SRP68: variants seen among roughly 807,000 people sequenced by gnomAD.
The protein encoded by SRP68 is signal recognition particle subunit SRP68.
In SRP68, 15 loss-of-function variants were observed where a neutral mutation model predicts 82.2. The observed-to-expected ratio is 0.18, with a 90% confidence interval of 0.12 to 0.28. The LOEUF (loss-of-function observed/expected upper bound fraction) is 0.28. Among genes scored for constraint, SRP68 ranks in the 10% least tolerant of loss-of-function variants. SRP68 has a pLI of 1.00. For synonymous variants in SRP68, 261 were observed against 292.6 expected (o/e 0.89, Z 1.10); for missense variants, 595 against 780.5 (o/e 0.76, Z 2.83).
intron 7 of SRP68, 83 bp from the exon 8 acceptor site, chr17:76,057,626 C>T (rs1183554464): frequency 1.9e-5 from 28 of 1,468,386 alleles, no homozygotes; most frequent in Non-Finnish European, 2.3e-5. Flanking sequence ...TATCATTTGT[C>T]TCTTTGTATA....
intron 8 of SRP68, among the ~76,000 whole-genome samples, chr17:76,055,273 G>A (rs1567931322): frequency 6.6e-6 from 1 of 152,046 alleles, no homozygotes; most frequent in East Asian, 1.9e-4. Flanking sequence ...GGCCTAGGCT[G>A]ATCTTTTAAA....
chr17:76,057,753 CA>C (rs2066722798), intron 7 of SRP68, among the ~76,000 whole-genome samples: 1 of 152,074 alleles, frequency 6.6e-6, no homozygotes. Flanking sequence ...AGGCTCACTG[CA>C]ACCTCTGCTT....
At chr17:76,061,998 C>T (rs367994116) in intron 4 of SRP68, among the ~76,000 whole-genome samples, 4 of 150,194 alleles carry the variant, frequency 2.7e-5, no homozygotes, top group African/African-American at 2.5e-5. Flanking sequence ...AAAAATTACC[C>T]GGGTGTGGCC....
chr17:76,039,990 A>G, intron 15 of SRP68, 57 bp from the exon 16 acceptor site: 1 of 1,557,406 alleles, frequency 6.4e-7, no homozygotes, highest in Non-Finnish European at 8.8e-7. Context: ...CCCTTGGTGA[A>G]CATTCCTGAG....
intron 15 of SRP68, among the ~76,000 whole-genome samples, chr17:76,040,197 C>A (rs534392615): frequency 2.0e-5 from 3 of 152,200 alleles, no homozygotes; most frequent in Non-Finnish European, 4.4e-5. Context: ...CTCTTACCCA[C>A]GGGTGCTACT....
chr17:76,045,696 A>G (rs2066625093), intron 11 of SRP68, among the ~76,000 whole-genome samples: 1 of 152,162 alleles, frequency 6.6e-6, no homozygotes, highest in Non-Finnish European at 1.5e-5. Context: ...GCATCTACTC[A>G]GATGCCTTGA....
intron 7 of SRP68, among the ~76,000 whole-genome samples, chr17:76,058,228 A>C (rs1054682820): frequency 4.0e-5 from 6 of 150,954 alleles, no homozygotes; most frequent in African/African-American, 1.5e-4. Flanking sequence ...AGCTCAGCTT[A>C]CTGCAACCTC....
At chr17:76,064,927 G>A (rs762373937) in intron 3 of SRP68, among the ~76,000 whole-genome samples, 1 of 151,496 alleles carries the variant, frequency 6.6e-6, no homozygotes, top group Non-Finnish European at 1.5e-5. Flanking sequence ...CAGTGCCACC[G>A]CTTACTAGCT....
intron 2 of SRP68, among the ~76,000 whole-genome samples, chr17:76,069,065 A>G (rs1437056844): frequency 2.0e-5 from 3 of 151,372 alleles, no homozygotes; most frequent in Admixed American, 6.6e-5. Flanking sequence ...AATACAGCAC[A>G]TAATTTACAA....
Position 76,045,367 on chromosome 17 carries a change from T to C in SRP68, c.1319A>G (p.Gln440Arg). The C allele has an allele frequency of 6.2e-7, 1 of 1,612,798 alleles. No individual in the cohort carries two copies. Among genetic ancestry groups the C allele is most frequent in the Non-Finnish European group, 8.5e-7 (1 of 1,178,960 alleles). ...TTTGTCTTCCTCTAAACCAGGAAGC[T>C]GGAGCAATTCCACCAGATTCTGTAC... ...IILQNLVELL[Q>R]LPGLEEDKAF... The change falls in exon 12 of 16, where the codon CAG becomes CGG. Residue 440 changes from glutamine to arginine, a missense_variant. By Grantham distance (43) the Gln-to-Arg change is conservative. Coordinates refer to ENST00000307877, the MANE Select transcript of SRP68 (RefSeq NM_014230.4).
intron 8 of SRP68, among the ~76,000 whole-genome samples, chr17:76,054,972 T>C (rs2066702185): frequency 6.6e-6 from 1 of 152,168 alleles, no homozygotes; most frequent in Non-Finnish European, 1.5e-5. Flanking sequence ...CTTTTTTTTT[T>C]TGAGACAAAG....
chr17:76,062,601 T>TTATATATTATATAATATATAA (rs2066765814), intron 4 of SRP68, among the ~76,000 whole-genome samples: 1 of 82,880 alleles, frequency 1.2e-5, no homozygotes, highest in Non-Finnish European at 2.1e-5. Context: ...ATAATATACA[T>TTATATATTATATAATATATAA]TATATATTAT....
chr17:76,058,333 C>G (rs1289842880), intron 7 of SRP68, among the ~76,000 whole-genome samples: 1 of 151,928 alleles, frequency 6.6e-6, no homozygotes. Flanking sequence ...GTTGGTCAGA[C>G]TGGTCTCGAA....
chr17:76,046,079 G>C lies in SRP68; in HGVS notation c.1258C>G (p.Arg420Gly), dbSNP rs200440391. 1.9e-6 allele frequency: 3 copies of C among 1,613,956 alleles called. No homozygotes were observed. The East Asian group carries it at 6.7e-5, about 36-fold the overall frequency. Residue 420 changes from arginine (R) to glycine (G), a missense_variant, in exon 11 of 16, where the codon CGG becomes GGG. By Grantham distance (125) the Arg-to-Gly change is moderately radical. Coordinates refer to ENST00000307877, the MANE Select transcript of SRP68 (RefSeq NM_014230.4). ...QPEDDSKRSP[R>G]PQDLIRLYDI... Reference sequence around the variant, plus strand: ...TAGAGTCGGATCAGGTCCTGGGGCCGGGGTGAGCGCTTGCTGTCATCCTCT... The same window carrying C: ...TAGAGTCGGATCAGGTCCTGGGGCCCGGGTGAGCGCTTGCTGTCATCCTCT...
chr17:76,052,760 C>G (rs537501123), intron 8 of SRP68, among the ~76,000 whole-genome samples: 2 of 149,038 alleles, frequency 1.3e-5, no homozygotes, highest in Non-Finnish European at 3.0e-5. Flanking sequence ...GCCGAGATCG[C>G]GCCACTGCAC....
intron 8 of SRP68, among the ~76,000 whole-genome samples, chr17:76,054,654 C>T (rs940822290): frequency 6.6e-5 from 10 of 151,686 alleles, no homozygotes; most frequent in Non-Finnish European, 1.5e-4. Context: ...GAGTTCGAGA[C>T]CTACTAAAAA....
intron 4 of SRP68, among the ~76,000 whole-genome samples, chr17:76,063,644 C>A (rs1346173815): frequency 6.7e-6 from 1 of 149,126 alleles, no homozygotes; most frequent in African/African-American, 2.5e-5. Context: ...GCTGAGAACG[C>A]GCCACTGCAC....
chr17:76,070,524 G>A, intron 1 of SRP68, 80 bp from the exon 2 acceptor site: 2 of 1,193,280 alleles, frequency 1.7e-6, no homozygotes, highest in South Asian at 1.2e-5. Flanking sequence ...CTATATCTGT[G>A]TCAAACCACA....
intron 15 of SRP68, 31 bp downstream of exon 15, chr17:76,040,388 G>T (rs199987112): frequency 6.2e-7 from 1 of 1,601,002 alleles, no homozygotes; most frequent in Non-Finnish European, 8.6e-7. Context: ...ATCCTGCTTC[G>T]TATTCCTCAA....
Sources: allele counts gnomAD v4.1 joint callset (sites outside exome capture counted in the v4.1 genomes callset), GRCh38; gene constraint gnomAD v4.1.1; transcripts MANE v1.5; gene names NCBI Gene and HGNC (gene_info 2026-07-23, HGNC 2026-07-21).